The following GRM1 variants were observed in gnomAD, a reference collection of about 807,000 sequenced individuals.
The protein encoded by GRM1 is metabotropic glutamate receptor 1.
In GRM1, 33 loss-of-function variants were observed where a neutral mutation model predicts 90.9. The observed-to-expected ratio is 0.36, with a 90% CI of 0.28 to 0.49. The LOEUF (loss-of-function observed/expected upper bound fraction) is 0.49. Ranked by LOEUF, GRM1 falls within the 20% of genes least tolerant of loss-of-function variation. The probability of loss-of-function intolerance (pLI) is 0.99; values close to 1 mark genes in which losing one functional copy is unlikely to be tolerated. For synonymous variants in GRM1, 700 were observed against 613.2 expected (o/e 1.14, Z -2.09); for missense variants, 1,190 against 1,534.3 (o/e 0.78, Z 3.75).
intron 1 of GRM1, among the ~76,000 whole-genome samples, chr6:146,135,816 A>G (rs1362728065): frequency 6.6e-6 from 1 of 152,114 alleles, no homozygotes; most frequent in African/African-American, 2.4e-5. Flanking sequence ...TTTATTTTAA[A>G]ATGTGCAATT....
At chr6:146,395,997 T>TATTG (rs1776911087) in intron 6 of GRM1, among the ~76,000 whole-genome samples, 1 of 152,148 alleles carries the variant, frequency 6.6e-6, no homozygotes, top group Non-Finnish European at 1.5e-5. Flanking sequence ...TATTTTAATT[T>TATTG]ATTGATTTCA....
chr6:146,293,790 A>C (rs1212958334), intron 2 of GRM1, among the ~76,000 whole-genome samples: 1 of 151,688 alleles, frequency 6.6e-6, no homozygotes, highest in East Asian at 1.9e-4. Context: ...ACTATTGTTC[A>C]GATATTATAT....
At chr6:146,265,739 C>A (rs1004354983) in intron 2 of GRM1, among the ~76,000 whole-genome samples, 8 of 152,158 alleles carry the variant, frequency 5.3e-5, no homozygotes, top group African/African-American at 1.9e-4. Context: ...ATTCATTCTC[C>A]TTATGGCTAG....
At chr6:146,412,678 C>T (rs1777614419) in intron 7 of GRM1, among the ~76,000 whole-genome samples, 2 of 152,180 alleles carry the variant, frequency 1.3e-5, no homozygotes, top group Non-Finnish European at 2.9e-5. Context: ...ACATGTACTA[C>T]ATCTATATTT....
intron 1 of GRM1, among the ~76,000 whole-genome samples, chr6:146,102,215 T>A (rs1196595889): frequency 6.6e-6 from 1 of 152,204 alleles, no homozygotes; most frequent in Non-Finnish European, 1.5e-5. Context: ...TTGCCATTGG[T>A]CCTTTTCTCA....
intron 2 of GRM1, among the ~76,000 whole-genome samples, chr6:146,188,548 T>G (rs1036116695): frequency 6.6e-6 from 1 of 152,224 alleles, no homozygotes; most frequent in African/African-American, 2.4e-5. Context: ...ATCCTACTTT[T>G]AAATGTTAAT....
At chr6:146,240,026 ATACT>A (rs1326198631) in intron 2 of GRM1, among the ~76,000 whole-genome samples, 1 of 152,090 alleles carries the variant, frequency 6.6e-6, no homozygotes, top group Non-Finnish European at 1.5e-5. Context: ...AATGGAAATA[ATACT>A]TACTTGTGAG....
chr6:146,426,625 C>T (rs762182457), intron 7 of GRM1: 2 of 1,513,124 alleles, frequency 1.3e-6, no homozygotes, highest in Admixed American at 1.7e-5. Context: ...TTTGAAAACC[C>T]CCACACTGCA....
At chr6:146,188,440 C>T (rs1173038391) in intron 2 of GRM1, among the ~76,000 whole-genome samples, 1 of 152,148 alleles carries the variant, frequency 6.6e-6, no homozygotes, top group Admixed American at 6.5e-5. Flanking sequence ...ATTGCTACCT[C>T]AGTTGCCACA....
At position 146,088,426 on chromosome 6, in the gene GRM1, C is replaced by G. The variant is rs182396909; in HGVS notation, c.700+58209C>G. On this transcript the variant is annotated intron_variant, in intron 1 of 7. Coordinates refer to ENST00000282753, the MANE Select transcript of GRM1 (RefSeq NM_001278064.2). ...ACACCTGATATTTCAAGACCAACTC[C>G]ATAGCCATGAAATTTTAAGAGCCAA... 1.3e-3 allele frequency among the ~76,000 whole-genome samples: 199 copies of G among 152,140 alleles called. 2 individuals are homozygous for G. The highest frequency in any genetic ancestry group is 7.6e-4 in the Non-Finnish European group (52 of 67,984).
At chr6:146,105,122 G>A (rs957581185) in intron 1 of GRM1, among the ~76,000 whole-genome samples, 1 of 152,118 alleles carries the variant, frequency 6.6e-6, no homozygotes, top group African/African-American at 2.4e-5. Flanking sequence ...AATAAGTAGG[G>A]TTTTAAAATA....
intron 4 of GRM1, among the ~76,000 whole-genome samples, chr6:146,353,588 C>G (rs1785478958): frequency 6.6e-6 from 1 of 152,208 alleles, no homozygotes; most frequent in South Asian, 2.1e-4. Context: ...CAACATCACA[C>G]TGCCTTTTAG....
rs564382675 is a variant in GRM1, at chr6:146,205,056, T to C, written c.950+45459T>C. ...GCATGCATCAAAAATGTCCAATGACTTCATTTATATTCTGCATTTAATCTA... is the reference window on the plus strand; with the variant it reads ...GCATGCATCAAAAATGTCCAATGACCTCATTTATATTCTGCATTTAATCTA... On this transcript the variant is annotated intron_variant, in intron 2 of 7. Coordinates refer to ENST00000282753, the MANE Select transcript of GRM1 (RefSeq NM_001278064.2). Among the ~76,000 whole-genome samples the C allele has an allele frequency of 2.6e-5, 4 of 152,356 alleles. No homozygotes were observed. In the East Asian group the frequency reaches 7.7e-4, roughly 29 times the overall value.
At chr6:146,066,190 C>G (rs1216506207) in intron 1 of GRM1, among the ~76,000 whole-genome samples, 2 of 152,290 alleles carry the variant, frequency 1.3e-5, no homozygotes, top group South Asian at 2.1e-4. Context: ...TATTACCCAA[C>G]AGACAGTTTT....
intron 1 of GRM1, among the ~76,000 whole-genome samples, chr6:146,120,815 TG>T (rs1478441975): frequency 2.6e-5 from 4 of 152,224 alleles, no homozygotes; most frequent in Non-Finnish European, 5.9e-5. Context: ...ATAAGCTTTT[TG>T]ATGGCTGCTG....
At chr6:146,115,496 T>C (rs544216074) in intron 1 of GRM1, among the ~76,000 whole-genome samples, 1 of 152,298 alleles carries the variant, frequency 6.6e-6, no homozygotes, top group African/African-American at 2.4e-5. Context: ...TGCTTATTCC[T>C]CAAATTAACT....
chr6:146,235,571 GT>G (rs1780614106), intron 2 of GRM1, among the ~76,000 whole-genome samples: 3 of 151,586 alleles, frequency 2.0e-5, no homozygotes, highest in Non-Finnish European at 4.4e-5. Flanking sequence ...TGAATATTCT[GT>G]TTTTTTCTTC....
chr6:146,036,122 A>G (rs1207287442), intron 1 of GRM1, among the ~76,000 whole-genome samples: 1 of 152,010 alleles, frequency 6.6e-6, no homozygotes, highest in Non-Finnish European at 1.5e-5. Flanking sequence ...GAGCTAATAT[A>G]CAATAACTGC....
intron 1 of GRM1, among the ~76,000 whole-genome samples, chr6:146,142,175 C>T (rs1297099514): frequency 6.6e-6 from 1 of 152,186 alleles, no homozygotes; most frequent in African/African-American, 2.4e-5. Context: ...CCACCTTGGT[C>T]GTCTTGGATA....
Sources: allele counts gnomAD v4.1 joint callset (sites outside exome capture counted in the v4.1 genomes callset), GRCh38; gene constraint gnomAD v4.1.1; transcripts MANE v1.5; gene names NCBI Gene and HGNC (gene_info 2026-07-23, HGNC 2026-07-21).